Variants in NOTCH3 observed in about 807,000 individuals in gnomAD.
NOTCH3 encodes the protein notch receptor 3.
Under a neutral mutation model 213.3 loss-of-function variants are expected in NOTCH3, and 86 were observed. The observed-to-expected ratio is 0.40, with a 90% CI of 0.34 to 0.48. NOTCH3 has a LOEUF of 0.48. Among genes scored for constraint, NOTCH3 ranks in the 20% least tolerant of loss-of-function variants. The pLI, the probability that NOTCH3 is intolerant of heterozygous loss-of-function variation, is 0.57. For missense variants in NOTCH3, 2,783 were observed against 3,272.6 expected (o/e 0.85, Z 3.65); for synonymous variants, 1,354 against 1,355.9 (o/e 1.00, Z 0.03).
In NOTCH3 at chr19:15,170,525, G is replaced by T; in HGVS notation, c.4920C>A (p.Ser1640Arg). ...RGEPLEPPEPSVPLLPLLVAG... is the reference protein window; with the variant it reads ...RGEPLEPPEPRVPLLPLLVAG... ...CCACTAGCAGTGGCAGCAGCGGGAC[G>T]CTGGGTTCTGGAGGCTCCAGCGGCT... is the stretch of plus-strand genomic sequence containing the variant. The change falls in exon 27 of 33, where the codon AGC becomes AGA. Residue 1640 changes from serine (S) to arginine (R), a missense_variant. Ser to Arg is a moderately radical substitution (Grantham distance 110). This residue lies in a region of NOTCH3 where 636 missense variants were observed against 801.8 expected (regional missense o/e 0.79). Transcript: ENST00000263388. 1 of 1,610,058 alleles carries T rather than the reference G, an allele frequency of 6.2e-7. No homozygotes were observed. Among genetic ancestry groups the T allele is most frequent in the African/African-American group, 1.3e-5 (1 of 75,058 alleles).
In NOTCH3 at chr19:15,178,948, G is replaced by A. The variant is rs374419613; in HGVS notation, c.3719-7C>T. 69 of 1,613,878 alleles carry A rather than the reference G, an allele frequency of 4.3e-5. No homozygotes were observed. The highest frequency in any genetic ancestry group is 9.3e-5 in the African/African-American group (7 of 74,928). ...ACAGTCTGACAGCGAGGACCTGAGC[G>A]AGCGGGAGCATGTAGATCAGCCACA... On this transcript the variant is annotated splice_region_variant and splice_polypyrimidine_tract_variant and intron_variant, in intron 22 of 32. Transcript: ENST00000263388.
chr19:15,177,986 G>T lies in NOTCH3; in HGVS notation c.3942C>A (p.Ala1314=). 1 of 1,435,102 alleles carries T rather than the reference G, an allele frequency of 7.0e-7. No homozygotes were observed. Among genetic ancestry groups the T allele is most frequent in the Non-Finnish European group, 9.1e-7 (1 of 1,096,334 alleles). The allele number at this position is 1,435,102 out of a possible 1,614,324, so 88.9% of individuals were successfully genotyped here. The part of the protein sequence containing the change: ...CQQTPRGPRC[A]CPPGLSGPSC... ...AGGGTCCCGACAACCCTGGGGGGCA[G>T]GCGCAGCGCGGCCCGCGGGGCGTCT... Residue 1314 remains alanine (A), a synonymous_variant, in exon 24 of 33, where the codon GCC becomes GCA. Coordinates refer to ENST00000263388, the MANE Select transcript of NOTCH3 (RefSeq NM_000435.3).
chr19:15,161,706 G>A lies in NOTCH3; in HGVS notation c.5922C>T (p.Thr1974=), dbSNP rs2145384052. 6.2e-7 allele frequency: 1 copy of A among 1,613,522 alleles called. No homozygotes were observed. The highest frequency in any genetic ancestry group is 8.5e-7 in the Non-Finnish European group (1 of 1,179,742). The change falls in exon 33 of 33, where the codon ACC becomes ACT. Residue 1974 remains threonine (T), a synonymous_variant. Transcript: ENST00000263388. ...CCTCGCGGGCGGCCAGGAATAGGGGGGTCTCCTCCTGGGGGGCCAGAACCC... is the reference window on the plus strand; with the variant it reads ...CCTCGCGGGCGGCCAGGAATAGGGGAGTCTCCTCCTGGGGGGCCAGAACCC... ...NKDMQDSKEE[T]PLFLAAREGS...
chr19:15,160,836 T>G lies in NOTCH3; in HGVS notation c.6792A>C (p.Ser2264=). ...HWASPSPPSL[S]DWSESTPSPA... is the part of the protein sequence containing the mutation. ...GGCTAGGCGTGGATTCGGACCAGTC[T>G]GAGAGGGAGGGAGGTGAGGGGCTGG... Residue 2264 remains serine (S), a synonymous_variant, in exon 33 of 33, where the codon TCA becomes TCC. Coordinates refer to ENST00000263388, the MANE Select transcript of NOTCH3 (RefSeq NM_000435.3). The G allele has an allele frequency of 6.2e-7, 1 of 1,613,536 alleles. No homozygotes were observed. The highest frequency in any genetic ancestry group is 8.5e-7 in the Non-Finnish European group (1 of 1,179,792).
rs1216529137 is a variant in NOTCH3, at chr19:15,160,781, T to C, written c.6847A>G (p.Thr2283Ala). The C allele has an allele frequency of 2.5e-6, 4 of 1,613,476 alleles. No individual in the cohort carries two copies. Among genetic ancestry groups the C allele is most frequent in the Non-Finnish European group, 3.4e-6 (4 of 1,179,694 alleles). The change falls in exon 33 of 33, where the codon ACC becomes GCC. Residue 2283 changes from threonine to alanine, a missense_variant. This residue lies in a region of NOTCH3 where 441 missense variants were observed against 432.1 expected (regional missense o/e 1.02). Coordinates refer to ENST00000263388, the MANE Select transcript of NOTCH3 (RefSeq NM_000435.3). ...PATATGAMAT[T>A]TGALPAQPLP... ...GGCTGGGCAGGCAGTGCCCCAGTGGTGGTGGCCATGGCCCCAGTGGCAGTG... is the reference window on the plus strand; with the variant it reads ...GGCTGGGCAGGCAGTGCCCCAGTGGCGGTGGCCATGGCCCCAGTGGCAGTG...
At chr19:15,181,842 C>T in intron 16 of NOTCH3, 41 bp from the exon 17 acceptor site, 2 of 1,504,400 alleles carry the variant, frequency 1.3e-6, no homozygotes, top group Middle Eastern at 3.4e-4. Flanking sequence ...CTACCTTGCC[C>T]CCATTAGCCC....
At chr19:15,167,948 A>AT (rs947532405) in intron 28 of NOTCH3, among the ~76,000 whole-genome samples, 1 of 129,842 alleles carries the variant, frequency 7.7e-6, no homozygotes, top group Non-Finnish European at 1.7e-5. Flanking sequence ...TTATGTATAT[A>AT]TTTTTTAGAG....
chr19:15,172,054 G>A (rs1233617816), intron 25 of NOTCH3, among the ~76,000 whole-genome samples: 1 of 152,022 alleles, frequency 6.6e-6, no homozygotes, highest in African/African-American at 2.4e-5. Flanking sequence ...GCGCCACCAC[G>A]CCCCAGTAAT....
At chr19:15,181,254 T>A in intron 17 of NOTCH3, 92 bp from the exon 18 acceptor site, 2 of 1,169,484 alleles carry the variant, frequency 1.7e-6, no homozygotes, top group Non-Finnish European at 2.5e-6. Flanking sequence ...GCTGGGGACG[T>A]CCCACTCCCT....
At chr19:15,187,791 C>T in intron 10 of NOTCH3, 90 bp downstream of exon 10, 5 of 1,070,822 alleles carry the variant, frequency 4.7e-6, no homozygotes, top group South Asian at 1.3e-5. Flanking sequence ...TACAACCCCG[C>T]CCCCAAGCTC....
At chr19:15,181,234 C>CGCTGTTAGCGCTGGGG in intron 17 of NOTCH3, 72 bp from the exon 18 acceptor site, 1 of 1,354,878 alleles carries the variant, frequency 7.4e-7, no homozygotes, top group Non-Finnish European at 1.0e-6. Context: ...TCCTGAGTCC[C>CGCTGTTAGCGCTGGGG]GCTGTTAGCG....
intron 6 of NOTCH3, among the ~76,000 whole-genome samples, chr19:15,190,115 A>T (rs1472814390): frequency 2.0e-5 from 3 of 151,898 alleles, no homozygotes; most frequent in African/African-American, 7.3e-5. Flanking sequence ...CTCTACAAAA[A>T]ATACAAAGCT....
At position 15,194,697 on chromosome 19, in the gene NOTCH3, T is replaced by C. The variant is rs188918440; in HGVS notation, c.198-2178A>G. 4.6e-5 allele frequency among the ~76,000 whole-genome samples: 7 copies of C among 152,218 alleles called. No homozygotes were observed. In the East Asian group the frequency reaches 1.2e-3, roughly 25 times the overall value. ...ATGTCCAAGCGCGGTGGCTCACGCCTGTAATCCCAACACTTTGGGAGACCG... is the reference window on the plus strand; with the variant it reads ...ATGTCCAAGCGCGGTGGCTCACGCCCGTAATCCCAACACTTTGGGAGACCG... On this transcript the variant is annotated intron_variant, in intron 2 of 32. Coordinates refer to ENST00000263388, the MANE Select transcript of NOTCH3 (RefSeq NM_000435.3).
chr19:15,191,342 C>T, intron 6 of NOTCH3, 82 bp downstream of exon 6: 3 of 1,253,270 alleles, frequency 2.4e-6, no homozygotes, highest in Non-Finnish European at 3.4e-6. Context: ...CTAGCATAAT[C>T]TTTCTAACAC....
intron 32 of NOTCH3, among the ~76,000 whole-genome samples, chr19:15,161,982 CTTTT>C (rs71168583): frequency 7.6e-4 from 87 of 114,704 alleles, no homozygotes; most frequent in Middle Eastern, 6.1e-3. Context: ...TTTTTCTTGT[CTTTT>C]TTTTTTTTTT....
chr19:15,163,085 G>T (rs1245875543), intron 31 of NOTCH3, among the ~76,000 whole-genome samples: 1 of 151,936 alleles, frequency 6.6e-6, no homozygotes, highest in African/African-American at 2.4e-5. Flanking sequence ...TTGTATTTTT[G>T]ATAGAGATAG....
In NOTCH3 at chr19:15,159,991, T is replaced by A. The variant is rs760789168; in HGVS notation, c.*671A>T. The stretch of plus-strand genomic sequence containing the variant: ...TTCCCCAGCAAGGCTATGGAACATG[T>A]CCCATCTGGAATGCAGTGAAGTGAG... On this transcript the variant is annotated 3_prime_UTR_variant, in exon 33 of 33. Transcript: ENST00000263388. 2.7e-4 allele frequency: 62 copies of A among 233,264 alleles called. No homozygotes were observed. Among genetic ancestry groups the A allele is most frequent in the Non-Finnish European group, 3.6e-4 (42 of 117,860 alleles). The allele number at this position is 233,264 out of a possible 1,614,324, so 14.4% of individuals were successfully genotyped here.
At position 15,185,138 on chromosome 19, in the gene NOTCH3, G is replaced by A. The variant is rs939054472; in HGVS notation, c.2296+119C>T. On this transcript the variant is annotated intron_variant, in intron 14 of 32. Coordinates refer to ENST00000263388, the MANE Select transcript of NOTCH3 (RefSeq NM_000435.3). The surrounding 1 kb of genome is among the most constrained non-coding windows in gnomAD (Gnocchi z 4.2). ...TTGATACCCACCTCCCAAGCTCCTG[G>A]AGGGAAATGATTGAAAGCAAAAAAG... is the stretch of plus-strand genomic sequence containing the variant. The A allele has an allele frequency of 9.0e-6, 13 of 1,440,774 alleles. No homozygotes were observed. Among genetic ancestry groups the A allele is most frequent in the Admixed American group, 1.8e-5 (1 of 56,128 alleles). 89.2% of individuals were successfully genotyped at this position (1,440,774 alleles called of 1,614,324 possible). A position where few individuals can be genotyped will look rare whatever the true frequency, so the allele number is the denominator to read the frequency against.
intron 15 of NOTCH3, 152 bp downstream of exon 15, chr19:15,184,754 A>G (rs2046867288): frequency 1.6e-6 from 1 of 620,066 alleles, no homozygotes; most frequent in Non-Finnish European, 2.9e-6. Flanking sequence ...CACAGGCTGC[A>G]TATCAGTGTC....
Sources: gnomAD v4.1 joint callset for allele counts (sites outside exome capture counted in the v4.1 genomes callset) on GRCh38, gnomAD v4.1.1 for gene constraint, gnomAD v4.1.1 regional missense constraint, Gnocchi (gnomAD v3.1) non-coding constraint, MANE v1.5 for transcripts, NCBI Gene and HGNC (gene_info 2026-07-23, HGNC 2026-07-21) for gene names.